The following ADCY7 variants were observed in gnomAD, a reference collection of about 807,000 sequenced individuals.
The protein encoded by ADCY7 is adenylate cyclase type 7.
A neutral mutation model predicts 120.6 loss-of-function variants in ADCY7; 72 were observed. The observed-to-expected ratio is 0.60, with a 90% CI of 0.49 to 0.73. The LOEUF is 0.73. ADCY7 is among the 30% of genes least tolerant of loss of function. ADCY7 has a pLI of 0.00. For missense variants in ADCY7, 1,227 were observed against 1,486.0 expected, an observed-to-expected ratio of 0.83 and a Z score of 2.87; for synonymous variants, 661 against 628.0, an observed-to-expected ratio of 1.05 and a Z score of -0.78.
At chr16:50,265,135 C>G (rs1167485902), upstream of ADCY7, among the ~76,000 whole-genome samples, 1 of 152,170 alleles carries the variant, frequency 6.6e-6, no homozygotes, top group Non-Finnish European at 1.5e-5. Flanking sequence ...CCATGCCAAG[C>G]CTGGGAGATC....
At chr16:50,299,253 G>T (rs1212531255) in intron 8 of ADCY7, among the ~76,000 whole-genome samples, 1 of 152,242 alleles carries the variant, frequency 6.6e-6, no homozygotes, top group Non-Finnish European at 1.5e-5. Flanking sequence ...GTCCCAGAAA[G>T]CATCTCCGGA....
upstream of ADCY7, among the ~76,000 whole-genome samples, chr16:50,245,494 T>G (rs2150764998): frequency 6.6e-6 from 1 of 152,254 alleles, no homozygotes; most frequent in East Asian, 1.9e-4. Context: ...CTGAGTTTCT[T>G]GGAAACAGAG....
intron 10 of ADCY7, among the ~76,000 whole-genome samples, chr16:50,303,931 C>T (rs1037639091): frequency 2.0e-5 from 3 of 152,098 alleles, no homozygotes; most frequent in East Asian, 1.9e-4. Flanking sequence ...CTTTCCCAGG[C>T]GCCTCCTGGG....
intron 1 of ADCY7, among the ~76,000 whole-genome samples, chr16:50,281,268 G>A (rs1053165561): frequency 1.3e-5 from 2 of 152,218 alleles, no homozygotes; most frequent in Non-Finnish European, 2.9e-5. Flanking sequence ...TGAGGAAACT[G>A]AGGCCAGAGT....
intron 1 of ADCY7, among the ~76,000 whole-genome samples, chr16:50,277,421 C>T (rs2033964211): frequency 1.3e-5 from 2 of 152,182 alleles, no homozygotes; most frequent in Admixed American, 1.3e-4. Context: ...CACATTCCTG[C>T]CCAGGAGGGA....
chr16:50,311,305 CAA>C (rs2036443161), intron 19 of ADCY7, among the ~76,000 whole-genome samples: 1 of 152,086 alleles, frequency 6.6e-6, no homozygotes, highest in Non-Finnish European at 1.5e-5. Context: ...CCCCCCTAAA[CAA>C]AAAAGCTGGA....
Position 50,252,159 on chromosome 16 carries a change from G to A in ADCY7, c.-64+5956G>A, listed in dbSNP as rs111605517. Among the ~76,000 whole-genome samples, 447 of 152,280 alleles carry A rather than the reference G, an allele frequency of 2.9e-3. 2 individuals carry two copies. The highest frequency in any genetic ancestry group is 0.01 in the African/African-American group (418 of 41,550). ...TTTTTTTCCTTTTTGGGTGTATGTA[G>A]GCAGGCAGTCCTTTCTCTGTGCCGA... On this transcript the variant is annotated intron_variant, in intron 1 of 4. Coordinates refer to the ADCY7 transcript ENST00000564044.
chr16:50,307,145 C>T lies in ADCY7; in HGVS notation c.1848C>T (p.Pro616=). 6.2e-7 allele frequency: 1 copy of T among 1,611,502 alleles called. No homozygotes were observed. Among genetic ancestry groups the T allele is most frequent in the Non-Finnish European group, 8.5e-7 (1 of 1,179,926 alleles). ...CILLVHVLLM[P]RTAALGVSFG... Reference sequence around the variant, plus strand: ...TGCTCGTCCATGTCCTGCTCATGCCCAGGTCAGTTGCAGGGAGGGGTGTGG... The same window carrying T: ...TGCTCGTCCATGTCCTGCTCATGCCTAGGTCAGTTGCAGGGAGGGGTGTGG... Residue 616 remains proline, a splice_region_variant and synonymous_variant, in exon 15 of 26, where the codon CCC becomes CCT. Transcript: ENST00000673801.
At chr16:50,264,364 A>G (rs2033133821), upstream of ADCY7, among the ~76,000 whole-genome samples, 1 of 152,160 alleles carries the variant, frequency 6.6e-6, no homozygotes, top group African/African-American at 2.4e-5. Flanking sequence ...TTGTTTATCC[A>G]TTTACTCATT....
At chr16:50,284,553 G>A (rs1279867404) in intron 1 of ADCY7, among the ~76,000 whole-genome samples, 3 of 152,276 alleles carry the variant, frequency 2.0e-5, no homozygotes, top group Admixed American at 1.3e-4. Context: ...GGGAGATGGA[G>A]CAGTTGTGGG....
chr16:50,310,252 G>T (rs972209760), intron 18 of ADCY7, among the ~76,000 whole-genome samples: 13 of 152,180 alleles, frequency 8.5e-5, no homozygotes, highest in Non-Finnish European at 1.8e-4. Flanking sequence ...GGAGCCGGGG[G>T]CAGGCTTGAT....
At chr16:50,289,417 C>A (rs1374951665) in intron 2 of ADCY7, 1 of 364,028 alleles carries the variant, frequency 2.7e-6, no homozygotes, top group Non-Finnish European at 5.4e-6. Context: ...GGTACAGCCA[C>A]TAGCTGTGTT....
chr16:50,288,948 C>T (rs955134128), intron 2 of ADCY7, among the ~76,000 whole-genome samples: 3 of 152,116 alleles, frequency 2.0e-5, no homozygotes, highest in Non-Finnish European at 2.9e-5. Flanking sequence ...CAAGCATGCA[C>T]GACCATGCCC....
intron 1 of ADCY7, among the ~76,000 whole-genome samples, chr16:50,249,646 C>T (rs1313162954): frequency 6.6e-6 from 1 of 152,234 alleles, no homozygotes; most frequent in Non-Finnish European, 1.5e-5. Context: ...GCAGGCACTC[C>T]TGGCCCCAGC....
intron 14 of ADCY7, among the ~76,000 whole-genome samples, 173 bp downstream of exon 14, chr16:50,306,022 A>T (rs2036042349): frequency 6.6e-6 from 1 of 152,174 alleles, no homozygotes; most frequent in Non-Finnish European, 1.5e-5. Context: ...GTGCAGCACC[A>T]GCCTGGCTCT....
At chr16:50,285,370 G>A (rs531283940) in intron 1 of ADCY7, among the ~76,000 whole-genome samples, 1 of 152,326 alleles carries the variant, frequency 6.6e-6, no homozygotes, top group Admixed American at 6.5e-5. Context: ...CCTGGTGTGT[G>A]GTGATGGAAT....
At chr16:50,254,927 C>T (rs565108251) in intron 1 of ADCY7, among the ~76,000 whole-genome samples, 2 of 151,682 alleles carry the variant, frequency 1.3e-5, no homozygotes, top group Admixed American at 1.3e-4. Flanking sequence ...GAAGGCATCA[C>T]ACTACCTAAT....
chr16:50,283,113 C>T lies in ADCY7; in HGVS notation c.-268-4799C>T, dbSNP rs374393271. On this transcript the variant is annotated intron_variant, in intron 1 of 25. Coordinates refer to ENST00000673801, the MANE Select transcript of ADCY7 (RefSeq NM_001114.5). Reference sequence around the variant, plus strand: ...GAGACCCTTCCAGTTGACTCTGAACCCACTGAGGGGCCACGGGTGCTTGTT... The same window carrying T: ...GAGACCCTTCCAGTTGACTCTGAACTCACTGAGGGGCCACGGGTGCTTGTT... Among the ~76,000 whole-genome samples the T allele has an allele frequency of 3.6e-4, 55 of 152,268 alleles. No individual in the cohort carries two copies. In the South Asian group the frequency reaches 0.011, roughly 29 times the overall value.
chr16:50,256,385 A>G (rs1381883930), intron 1 of ADCY7, among the ~76,000 whole-genome samples: 1 of 152,204 alleles, frequency 6.6e-6, no homozygotes, highest in Non-Finnish European at 1.5e-5. Context: ...ATCATCTCAC[A>G]CCTGTTAGAA....
Sources: gnomAD v4.1 joint callset for allele counts (sites outside exome capture counted in the v4.1 genomes callset) on GRCh38, gnomAD v4.1.1 for gene constraint, MANE v1.5 for transcripts, NCBI Gene and HGNC (gene_info 2026-07-23, HGNC 2026-07-21) for gene names.